Variants in EVI5 observed in about 807,000 individuals in gnomAD.
The protein encoded by EVI5 is ecotropic viral integration site 5.
Under a neutral mutation model 112.0 loss-of-function variants are expected in EVI5, and 73 were observed. That is an observed-to-expected ratio of 0.65 (90% CI 0.54 to 0.79). The LOEUF (loss-of-function observed/expected upper bound fraction) is 0.79, where lower values mean the gene tolerates loss of function less well. EVI5 is among the 30% of genes least tolerant of loss of function. The pLI, the probability that EVI5 is intolerant of heterozygous loss-of-function variation, is 0.00. For missense variants in EVI5, 900 were observed against 968.8 expected, an observed-to-expected ratio of 0.93 and a Z score of 0.94; for synonymous variants, 305 against 319.9, an observed-to-expected ratio of 0.95 and a Z score of 0.50.
intron 9 of EVI5, among the ~76,000 whole-genome samples, chr1:92,688,761 G>T (rs1162610857): frequency 6.6e-6 from 1 of 152,174 alleles, no homozygotes; most frequent in Non-Finnish European, 1.5e-5. Context: ...AGACATACGG[G>T]TTAGGTATCT....
chr1:92,688,692 T>C (rs563944608), intron 9 of EVI5, among the ~76,000 whole-genome samples: 8 of 152,334 alleles, frequency 5.3e-5, no homozygotes, highest in African/African-American at 1.7e-4. Flanking sequence ...ATTGAAAGTC[T>C]ACTTAACCAA....
intron 18 of EVI5, among the ~76,000 whole-genome samples, chr1:92,602,661 C>A (rs1156751847): frequency 6.6e-6 from 1 of 152,128 alleles, no homozygotes; most frequent in Admixed American, 6.5e-5. Context: ...CTGACCTTGG[C>A]CTCTCAAAGC....
At chr1:92,680,854 A>G (rs911423571) in intron 9 of EVI5, among the ~76,000 whole-genome samples, 3 of 152,210 alleles carry the variant, frequency 2.0e-5, no homozygotes, top group Non-Finnish European at 4.4e-5. Flanking sequence ...GAGATTTTCT[A>G]CAAAATAATT....
intron 18 of EVI5, among the ~76,000 whole-genome samples, chr1:92,564,335 A>G (rs1215950221): frequency 1.3e-5 from 2 of 152,182 alleles, no homozygotes; most frequent in East Asian, 1.9e-4. Context: ...ATGATTTTCT[A>G]TTCATACCGT....
At chr1:92,781,208 T>C (rs1179383463) in intron 1 of EVI5, among the ~76,000 whole-genome samples, 1 of 151,972 alleles carries the variant, frequency 6.6e-6, no homozygotes, top group Non-Finnish European at 1.5e-5. Context: ...TTATATACCT[T>C]AAATGCAAAA....
At chr1:92,544,629 T>C (rs1438534495) in intron 19 of EVI5, among the ~76,000 whole-genome samples, 1 of 152,150 alleles carries the variant, frequency 6.6e-6, no homozygotes, top group Non-Finnish European at 1.5e-5. Flanking sequence ...TATTAATAAG[T>C]AGAAGGAGAT....
intron 1 of EVI5, among the ~76,000 whole-genome samples, chr1:92,747,017 AT>A (rs1679358942): frequency 6.6e-6 from 1 of 152,168 alleles, no homozygotes; most frequent in Non-Finnish European, 1.5e-5. Flanking sequence ...TTTATGACAC[AT>A]TTGTAAAAGT....
intron 9 of EVI5, among the ~76,000 whole-genome samples, chr1:92,688,879 T>A (rs957816626): frequency 6.6e-6 from 1 of 152,178 alleles, no homozygotes; most frequent in Non-Finnish European, 1.5e-5. Context: ...TTTTGAGAGG[T>A]AGGTCCAATT....
chr1:92,560,887 T>TA (rs397980813), intron 19 of EVI5, among the ~76,000 whole-genome samples: 1 of 151,554 alleles, frequency 6.6e-6, no homozygotes, highest in South Asian at 2.1e-4. Flanking sequence ...TTTTTTTTTT[T>TA]AAAGCTTCTG....
chr1:92,727,899 T>C (rs1159570754), intron 2 of EVI5, among the ~76,000 whole-genome samples: 1 of 151,426 alleles, frequency 6.6e-6, no homozygotes, highest in Non-Finnish European at 1.5e-5. Flanking sequence ...GAGGCTGAGA[T>C]GGAAGAACTG....
intron 1 of EVI5, among the ~76,000 whole-genome samples, chr1:92,790,613 G>A (rs1031663031): frequency 1.3e-5 from 2 of 151,308 alleles, no homozygotes; most frequent in East Asian, 3.9e-4. Context: ...AATCTGAAAG[G>A]TACTCAAATA....
chr1:92,685,448 C>T (rs1572290299), intron 9 of EVI5, among the ~76,000 whole-genome samples: 1 of 152,030 alleles, frequency 6.6e-6, no homozygotes, highest in East Asian at 1.9e-4. Flanking sequence ...CAAGAGAAAG[C>T]AGAAAAGATC....
At chr1:92,644,452 A>T (rs1187712361) in intron 13 of EVI5, among the ~76,000 whole-genome samples, 1 of 152,158 alleles carries the variant, frequency 6.6e-6, no homozygotes, top group African/African-American at 2.4e-5. Context: ...TCATTTCAAG[A>T]AGCCAGCTTT....
chr1:92,707,035 C>T (rs1371229401), intron 2 of EVI5, among the ~76,000 whole-genome samples: 8 of 151,756 alleles, frequency 5.3e-5, no homozygotes, highest in African/African-American at 1.9e-4. Flanking sequence ...TAAAATTAGC[C>T]GGGCATGGTG....
chr1:92,610,869 T>C (rs1651606939), intron 16 of EVI5, among the ~76,000 whole-genome samples: 1 of 151,702 alleles, frequency 6.6e-6, no homozygotes, highest in African/African-American at 2.4e-5. Flanking sequence ...ACACCACATA[T>C]TCTCACCCAC....
At chr1:92,618,726 T>C (rs924628751) in intron 16 of EVI5, among the ~76,000 whole-genome samples, 1 of 152,136 alleles carries the variant, frequency 6.6e-6, no homozygotes, top group Non-Finnish European at 1.5e-5. Flanking sequence ...TAACGGAAGG[T>C]TAGTCATTAA....
At chr1:92,651,860 AAAAAAAG>A (rs1440399629) in intron 13 of EVI5, among the ~76,000 whole-genome samples, 17 of 149,286 alleles carry the variant, frequency 1.1e-4, no homozygotes, top group African/African-American at 3.7e-4. Flanking sequence ...CAAAAAAAAA[AAAAAAAG>A]AAAGAAATTG....
intron 16 of EVI5, among the ~76,000 whole-genome samples, chr1:92,610,043 G>A (rs561269568): frequency 1.7e-4 from 26 of 152,012 alleles, no homozygotes; most frequent in African/African-American, 5.5e-4. Flanking sequence ...GTGCCACTAC[G>A]CCCAGATAAT....
chr1:92,691,920 G>A (rs187459033), intron 9 of EVI5, among the ~76,000 whole-genome samples: 2 of 152,198 alleles, frequency 1.3e-5, no homozygotes, highest in Admixed American at 1.3e-4. Flanking sequence ...TGGGAAGAAT[G>A]GTAAGGTTTG....
Sources: allele counts gnomAD v4.1 joint callset (sites outside exome capture counted in the v4.1 genomes callset), GRCh38; gene constraint gnomAD v4.1.1; transcripts MANE v1.5; gene names NCBI Gene and HGNC (gene_info 2026-07-23, HGNC 2026-07-21).